Variants in AOPEP observed in about 807,000 individuals in gnomAD.
AOPEP encodes aminopeptidase O (putative), also known as aminopeptidase O.
In AOPEP, 77 loss-of-function variants were observed where a neutral mutation model predicts 98.1. That is an observed-to-expected ratio of 0.78 (90% confidence interval 0.65 to 0.95). The LOEUF is 0.95. AOPEP is among the 40% of genes least tolerant of loss of function. AOPEP has a pLI of 0.00. For synonymous variants in AOPEP, 346 were observed against 365.3 expected, an observed-to-expected ratio of 0.95 and a Z score of 0.60; for missense variants, 1,024 against 1,024.7, an observed-to-expected ratio of 1.00 and a Z score of 0.01.
chr9:94,982,564 AC>A (rs2060255346), intron 11 of AOPEP, among the ~76,000 whole-genome samples: 2 of 140,098 alleles, frequency 1.4e-5, no homozygotes, highest in Admixed American at 7.0e-5. Flanking sequence ...CAAGAGCAAT[AC>A]TTTTTTTTTT....
chr9:94,844,066 T>C (rs759759197), intron 5 of AOPEP, among the ~76,000 whole-genome samples: 6 of 152,338 alleles, frequency 3.9e-5, no homozygotes, highest in Middle Eastern at 3.4e-3. Flanking sequence ...AGTTTTGTTC[T>C]GTTTTTTTGA....
chr9:94,858,993 A>T (rs1164540450), intron 5 of AOPEP, among the ~76,000 whole-genome samples: 1 of 133,542 alleles, frequency 7.5e-6, no homozygotes, highest in Non-Finnish European at 1.5e-5. Flanking sequence ...GCAGCACTGT[A>T]CTCCAGCCTG....
At chr9:94,976,146 T>A (rs1447403925) in intron 10 of AOPEP, among the ~76,000 whole-genome samples, 2 of 152,192 alleles carry the variant, frequency 1.3e-5, no homozygotes, top group African/African-American at 4.8e-5. Context: ...TGGTGTCTAT[T>A]ACACATCCCT....
At chr9:95,023,139 G>T (rs1025421987) in intron 13 of AOPEP, among the ~76,000 whole-genome samples, 1 of 152,258 alleles carries the variant, frequency 6.6e-6, no homozygotes, top group East Asian at 1.9e-4. Context: ...CTGCATCATG[G>T]GTCACAGACA....
the AOPEP span, chr9:95,117,172 A>G: frequency 1.3e-6 from 1 of 756,604 alleles, no homozygotes; most frequent in East Asian, 2.7e-5. Context: ...AGAATGTGGG[A>G]TCCTGGGGGC....
intron 13 of AOPEP, among the ~76,000 whole-genome samples, chr9:95,053,880 T>C (rs1001402446): frequency 4.6e-5 from 7 of 152,016 alleles, no homozygotes; most frequent in Non-Finnish European, 1.0e-4. Context: ...TCACCACACC[T>C]AATTTTGGGG....
At chr9:94,768,523 A>G (rs767367788) in intron 2 of AOPEP, among the ~76,000 whole-genome samples, 1 of 152,242 alleles carries the variant, frequency 6.6e-6, no homozygotes, top group Non-Finnish European at 1.5e-5. Context: ...CTTGAAAGGC[A>G]GAGTTAGTAT....
chr9:95,099,909 AG>A, the AOPEP span: 3 of 233,150 alleles, frequency 1.3e-5, no homozygotes, highest in African/African-American at 6.6e-5. Context: ...GCAGGGGAGG[AG>A]GAAGAGGCCA....
chr9:94,808,432 T>TA (rs1001492137), intron 5 of AOPEP, among the ~76,000 whole-genome samples: 4 of 152,184 alleles, frequency 2.6e-5, no homozygotes, highest in Admixed American at 6.5e-5. Context: ...TACTTTTTTT[T>TA]AAAAAAAATT....
chr9:94,908,956 G>A (rs1398647917), intron 5 of AOPEP, among the ~76,000 whole-genome samples: 1 of 152,122 alleles, frequency 6.6e-6, no homozygotes, highest in Non-Finnish European at 1.5e-5. Context: ...AGTATGTTTT[G>A]AGGTGATTAG....
chr9:94,863,230 C>T (rs2045281373), intron 5 of AOPEP, among the ~76,000 whole-genome samples: 1 of 151,448 alleles, frequency 6.6e-6, no homozygotes, highest in South Asian at 2.1e-4. Context: ...CCCTCTCTTC[C>T]CCTCCCCTCC....
At chr9:94,915,986 G>T (rs1315907547) in intron 5 of AOPEP, among the ~76,000 whole-genome samples, 1 of 152,184 alleles carries the variant, frequency 6.6e-6, no homozygotes, top group African/African-American at 2.4e-5. Context: ...GCTGCAAGCT[G>T]CCCCAACGTG....
chr9:94,744,131 A>T (rs112688141), intron 1 of AOPEP, among the ~76,000 whole-genome samples: 1,689 of 144,886 alleles, frequency 0.012, 30 homozygotes, highest in African/African-American at 0.044. Flanking sequence ...GCGGTGGCTT[A>T]TGCCTGTAAT....
At chr9:94,826,122 T>C (rs1854479186) in intron 5 of AOPEP, among the ~76,000 whole-genome samples, 1 of 152,106 alleles carries the variant, frequency 6.6e-6, no homozygotes, top group African/African-American at 2.4e-5. Context: ...ATTGTTTCAG[T>C]TTTCCTTGTG....
intron 5 of AOPEP, among the ~76,000 whole-genome samples, chr9:94,857,491 G>A (rs913807247): frequency 6.6e-6 from 1 of 152,172 alleles, no homozygotes; most frequent in Non-Finnish European, 1.5e-5. Context: ...CATTTTCCTT[G>A]TCTTCTGGGA....
intron 5 of AOPEP, among the ~76,000 whole-genome samples, chr9:94,809,272 C>G (rs1251292077): frequency 1.3e-5 from 2 of 152,158 alleles, no homozygotes; most frequent in Non-Finnish European, 2.9e-5. Flanking sequence ...TGGAGGGCTT[C>G]TAAGAAAGCC....
intron 5 of AOPEP, among the ~76,000 whole-genome samples, chr9:94,894,981 TAATA>T (rs2049298444): frequency 6.6e-6 from 1 of 152,182 alleles, no homozygotes; most frequent in Admixed American, 6.5e-5. Context: ...ATAATATTTC[TAATA>T]AATACTTCTA....
At chr9:95,091,011 C>T (rs1320623755), downstream of AOPEP, among the ~76,000 whole-genome samples, 4 of 152,274 alleles carry the variant, frequency 2.6e-5, no homozygotes, top group South Asian at 2.1e-4. Context: ...CCCTCCACCT[C>T]GATTCAGCCT....
chr9:94,974,779 A>G (rs1030387649), intron 10 of AOPEP, among the ~76,000 whole-genome samples: 1 of 152,158 alleles, frequency 6.6e-6, no homozygotes, highest in African/African-American at 2.4e-5. Context: ...GTAGAAACCC[A>G]TGTGTCATGA....
Sources: gnomAD v4.1 joint callset for allele counts (sites outside exome capture counted in the v4.1 genomes callset) on GRCh38, gnomAD v4.1.1 for gene constraint, MANE v1.5 for transcripts, NCBI Gene and HGNC (gene_info 2026-07-23, HGNC 2026-07-21) for gene names.